Variants in SLC8A2 observed in about 807,000 individuals in gnomAD.
SLC8A2 encodes the protein sodium/calcium exchanger 2.
SLC8A2 carries 14 observed loss-of-function variants against 70.2 expected under a neutral mutation model. The ratio of observed to expected loss-of-function variants is 0.20; its 90% CI spans 0.13 to 0.31. The LOEUF (loss-of-function observed/expected upper bound fraction) is 0.31. SLC8A2 is among the 10% of genes least tolerant of loss of function. SLC8A2 has a pLI of 1.00. For missense variants in SLC8A2, 779 were observed against 1,320.1 expected, an observed-to-expected ratio of 0.59 and a Z score of 6.35; for synonymous variants, 575 against 594.3, an observed-to-expected ratio of 0.97 and a Z score of 0.47.
At position 47,466,088 on chromosome 19, in the gene SLC8A2, CCTT is replaced by C; in HGVS notation, c.313_315del (p.Lys105del). 6.2e-7 allele frequency: 1 copy of C among 1,614,228 alleles called. No individual in the cohort carries two copies. Among genetic ancestry groups the C allele is most frequent in the Non-Finnish European group, 8.5e-7 (1 of 1,180,044 alleles). On this transcript the variant is annotated inframe_deletion, in exon 2 of 10. Transcript: ENST00000236877. The surrounding 1 kb of genome is among the most constrained non-coding windows in gnomAD (Gnocchi z 6.9). ...CCGTTGGCCTTGGTGATGGTGATCTCCTTCTCTTTTGACGTGATGACCTCGATG... is the reference window on the plus strand; with the variant it reads ...CCGTTGGCCTTGGTGATGGTGATCTCCTCTTTTGACGTGATGACCTCGATG...
At position 47,441,826 on chromosome 19, in the gene SLC8A2, G is replaced by A. The variant is rs150007493; in HGVS notation, c.1764-386C>T. 2.0e-3 allele frequency among the ~76,000 whole-genome samples: 310 copies of A among 152,260 alleles called. 1 individual carries two copies. Among genetic ancestry groups the A allele is most frequent in the African/African-American group, 6.6e-3 (275 of 41,554 alleles). On this transcript the variant is annotated intron_variant, in intron 4 of 9. Coordinates refer to ENST00000236877, the MANE Select transcript of SLC8A2 (RefSeq NM_015063.3). ...AATAATTTATTTTAAAAAATAGGCC[G>A]GGCACGGTGGCTCACGCCTGTAATC...
At chr19:47,458,890 CCCATCTCTCTCTCT>C (rs887750487) in intron 2 of SLC8A2, among the ~76,000 whole-genome samples, 7 of 151,648 alleles carry the variant, frequency 4.6e-5, no homozygotes, top group African/African-American at 1.5e-4. Flanking sequence ...CCTCTCTCTC[CCCATCTCTCTCTCT>C]CCTTTCTCCC....
Position 47,428,957 on chromosome 19 carries a change from C to T in SLC8A2, c.*1132G>A, listed in dbSNP as rs1966912114. ...GGCCTACCGACAGATGGAAGGCCTC[C>T]AAAGTTAAAAATGCCCACCCAGATC... On this transcript the variant is annotated 3_prime_UTR_variant, in exon 10 of 10. Coordinates refer to ENST00000236877, the MANE Select transcript of SLC8A2 (RefSeq NM_015063.3). 1 of 152,460 alleles carries T rather than the reference C, an allele frequency of 6.6e-6. No homozygotes were observed. The highest frequency in any genetic ancestry group is 2.4e-5 in the African/African-American group (1 of 41,358). 9.4% of individuals were successfully genotyped at this position (152,460 alleles called of 1,614,324 possible).
chr19:47,446,480 G>C (rs1967164196), intron 4 of SLC8A2, among the ~76,000 whole-genome samples: 1 of 152,132 alleles, frequency 6.6e-6, no homozygotes, highest in Non-Finnish European at 1.5e-5. Flanking sequence ...CCAGGCTGGA[G>C]TGCAGTGGGT....
chr19:47,467,947 A>C (rs1484954066), intron 1 of SLC8A2, among the ~76,000 whole-genome samples: 2 of 151,672 alleles, frequency 1.3e-5, no homozygotes, highest in Admixed American at 6.6e-5. Context: ...CAGAGGTTGC[A>C]GTGAGCCGAG....
chr19:47,456,288 G>A (rs1186072541), intron 3 of SLC8A2, among the ~76,000 whole-genome samples: 1 of 152,232 alleles, frequency 6.6e-6, no homozygotes, highest in African/African-American at 2.4e-5. Flanking sequence ...AATGCCTGGA[G>A]GCAGCACCTG....
At chr19:47,442,534 ACT>A (rs761461032) in intron 4 of SLC8A2, among the ~76,000 whole-genome samples, 4 of 151,562 alleles carry the variant, frequency 2.6e-5, no homozygotes, top group Non-Finnish European at 4.4e-5. Flanking sequence ...TGCCTAGAAC[ACT>A]CTTCCCCCAG....
At chr19:47,442,131 A>C (rs1229989488) in intron 4 of SLC8A2, among the ~76,000 whole-genome samples, 1 of 152,078 alleles carries the variant, frequency 6.6e-6, no homozygotes, top group Non-Finnish European at 1.5e-5. Flanking sequence ...AAATAAAGCA[A>C]AGCGGTATGA....
intron 2 of SLC8A2, 118 bp from the exon 3 acceptor site, chr19:47,457,712 C>T (rs971685067): frequency 1.8e-6 from 1 of 555,782 alleles, no homozygotes; most frequent in Admixed American, 4.1e-5. Context: ...CCCCCAACCC[C>T]GCCCCGTCGT....
In SLC8A2 at chr19:47,466,302, A is replaced by C; in HGVS notation, c.102T>G (p.Asn34Lys). The change falls in exon 2 of 10, where the codon AAT becomes AAG. Residue 34 changes from asparagine to lysine, a missense_variant. Around this residue, in one of 6 missense-constraint regions of SLC8A2, gnomAD observed 65 missense variants for 61.3 expected, o/e 1.06. Coordinates refer to ENST00000236877, the MANE Select transcript of SLC8A2 (RefSeq NM_015063.3). This position sits in a 1 kb window ranked among gnomAD's most constrained non-coding sequence, Gnocchi z 6.9. Reference protein sequence around the residue: ...PTPSLPPPPANDSDTSTGGCQ... With the variant: ...PTPSLPPPPAKDSDTSTGGCQ... Reference sequence around the variant, plus strand: ...AGCCCCCTGTGCTGGTGTCGCTGTCATTGGCCGGGGGAGGCGGCAGGGAGG... The same window carrying C: ...AGCCCCCTGTGCTGGTGTCGCTGTCCTTGGCCGGGGGAGGCGGCAGGGAGG... The C allele has an allele frequency of 6.6e-7, 1 of 1,509,510 alleles. No homozygotes were observed. The highest frequency in any genetic ancestry group is 8.9e-7 in the Non-Finnish European group (1 of 1,125,156). The allele number at this position is 1,509,510 out of a possible 1,614,324, so 93.5% of individuals were successfully genotyped here.
chr19:47,441,099 C>T (rs139955254), intron 6 of SLC8A2, 70 bp downstream of exon 6: 1 of 1,471,606 alleles, frequency 6.8e-7, no homozygotes, highest in Admixed American at 1.7e-5. Context: ...AGCTTTGGGG[C>T]TGGGACCCTC....
At position 47,448,044 on chromosome 19, in the gene SLC8A2, G is replaced by C. The variant is rs1967190365; in HGVS notation, c.1528C>G (p.Leu510Val). The change falls in exon 4 of 10, where the codon CTG (leucine) becomes GTG (valine). Residue 510 changes from leucine to valine, a missense_variant. Physicochemically the swap from Leu to Val is conservative, Grantham distance 32. This residue lies in a region of SLC8A2 where 247 missense variants were observed against 362.8 expected (regional missense o/e 0.68). Transcript: ENST00000236877. The surrounding 1 kb of genome is among the most constrained non-coding windows in gnomAD (Gnocchi z 4.8). Reference sequence around the variant, plus strand: ...TCCAGGATGGTGACGGTGGCCAGCAGCGGCGCCACCAGCCGCCCCTTGGGC... The same window carrying C: ...TCCAGGATGGTGACGGTGGCCAGCACCGGCGCCACCAGCCGCCCCTTGGGC... ...GRPKGRLVAP[L>V]LATVTILDDD... 1 of 1,572,142 alleles carries C rather than the reference G, an allele frequency of 6.4e-7. No individual in the cohort carries two copies. Among genetic ancestry groups the C allele is most frequent in the East Asian group, 2.4e-5 (1 of 42,360 alleles).
chr19:47,432,376 T>G lies in SLC8A2; in HGVS notation c.2180A>C (p.His727Pro), dbSNP rs1599843301. 6.2e-7 allele frequency: 1 copy of G among 1,613,546 alleles called. No individual in the cohort carries two copies. The highest frequency in any genetic ancestry group is 8.5e-7 in the Non-Finnish European group (1 of 1,179,808). ...RLPSCFDYVM[H>P]FLTVFWKVLF... Reference sequence around the variant, plus strand: ...CACCTTCCAGAACACCGTCAGGAAGTGCATCACGTAGTCAAAGCACGACGG... The same window carrying G: ...CACCTTCCAGAACACCGTCAGGAAGGGCATCACGTAGTCAAAGCACGACGG... The change falls in exon 9 of 10, where the codon CAC becomes CCC. Residue 727 changes from histidine to proline, a missense_variant. This residue lies in a region of SLC8A2 where 247 missense variants were observed against 362.8 expected (regional missense o/e 0.68). Coordinates refer to ENST00000236877, the MANE Select transcript of SLC8A2 (RefSeq NM_015063.3). This position sits in a 1 kb window ranked among gnomAD's most constrained non-coding sequence, Gnocchi z 6.2.
intron 1 of SLC8A2, among the ~76,000 whole-genome samples, chr19:47,471,560 C>A (rs145264051): frequency 0.015 from 2,244 of 152,082 alleles, 39 homozygotes; most frequent in Middle Eastern, 0.054. Context: ...AGTACCCAGG[C>A]GGTCCCCCTC....
chr19:47,432,097 G>A lies in SLC8A2; in HGVS notation c.2389+70C>T. The stretch of plus-strand genomic sequence containing the variant: ...GTGTGACTCCACCCACCTCATTTTG[G>A]CAGGATCCTGTGTTGCCCCTGCCTG... On this transcript the variant is annotated intron_variant, in intron 9 of 9. Transcript: ENST00000236877. The surrounding 1 kb of genome is among the most constrained non-coding windows in gnomAD (Gnocchi z 6.2). The A allele has an allele frequency of 7.0e-7, 1 of 1,436,490 alleles. No individual in the cohort carries two copies. The highest frequency in any genetic ancestry group is 9.5e-7 in the Non-Finnish European group (1 of 1,057,018). 89.0% of individuals were successfully genotyped at this position (1,436,490 alleles called of 1,614,324 possible).
chr19:47,462,421 C>T (rs534060093), intron 2 of SLC8A2, among the ~76,000 whole-genome samples: 14 of 151,084 alleles, frequency 9.3e-5, no homozygotes, highest in Non-Finnish European at 1.8e-4. Flanking sequence ...TGCACCACCA[C>T]GCCCGGCTAA....
Position 47,447,450 on chromosome 19 carries a change from C to G in SLC8A2, c.1763+359G>C, listed in dbSNP as rs1157597729. On this transcript the variant is annotated intron_variant, in intron 4 of 9. Transcript: ENST00000236877. The surrounding 1 kb of genome is among the most constrained non-coding windows in gnomAD (Gnocchi z 5.1). ...TCTTCTCACCTGTCCGGCCACCCTT[C>G]TAGGCCTCGCCTCTTCATTTCACAG... 1 of 328,984 alleles carries G rather than the reference C, an allele frequency of 3.0e-6. No homozygotes were observed. 20.4% of individuals were successfully genotyped at this position (328,984 alleles called of 1,614,324 possible).
rs1171458226 is a variant in SLC8A2, at chr19:47,447,726, A to G, written c.1763+83T>C. ...CCCGCCCACTATGTGGGCATGGCTC[A>G]CCCAGGCCCCGCCCCTGAGCCACAT... On this transcript the variant is annotated intron_variant, in intron 4 of 9. Coordinates refer to ENST00000236877, the MANE Select transcript of SLC8A2 (RefSeq NM_015063.3). The surrounding 1 kb of genome is among the most constrained non-coding windows in gnomAD (Gnocchi z 5.1). The G allele has an allele frequency of 6.7e-5, 91 of 1,367,738 alleles. No individual in the cohort carries two copies. The highest frequency in any genetic ancestry group is 8.0e-5 in the Non-Finnish European group (84 of 1,043,860). The allele number at this position is 1,367,738 out of a possible 1,614,324, so 84.7% of individuals were successfully genotyped here.
chr19:47,448,052 A>G lies in SLC8A2; in HGVS notation c.1520T>C (p.Val507Ala). The stretch of plus-strand genomic sequence containing the variant: ...GGTGACGGTGGCCAGCAGCGGCGCC[A>G]CCAGCCGCCCCTTGGGCCGCCCGCC... ...DGGGRPKGRL[V>A]APLLATVTIL... The change falls in exon 4 of 10, where the codon GTG (valine) becomes GCG (alanine). Residue 507 changes from valine to alanine, a missense_variant. Physicochemically the swap from Val to Ala is moderately conservative, Grantham distance 64. Coordinates refer to ENST00000236877, the MANE Select transcript of SLC8A2 (RefSeq NM_015063.3). This position sits in a 1 kb window ranked among gnomAD's most constrained non-coding sequence, Gnocchi z 4.8. 1 of 1,575,914 alleles carries G rather than the reference A, an allele frequency of 6.3e-7. No individual in the cohort carries two copies.
Sources: allele counts gnomAD v4.1 joint callset (sites outside exome capture counted in the v4.1 genomes callset), GRCh38; gene constraint gnomAD v4.1.1; regional missense constraint gnomAD v4.1.1; non-coding constraint Gnocchi (gnomAD v3.1); transcripts MANE v1.5; gene names NCBI Gene and HGNC (gene_info 2026-07-23, HGNC 2026-07-21).